The following TNFRSF1B variants were observed in gnomAD, a reference collection of about 807,000 sequenced individuals.
TNFRSF1B encodes the protein TNF receptor superfamily member 1B.
In TNFRSF1B, 19 loss-of-function variants were observed where a neutral mutation model predicts 44.6. The ratio of observed to expected loss-of-function variants is 0.43; its 90% CI spans 0.30 to 0.62. The LOEUF is 0.62. Among genes scored for constraint, TNFRSF1B ranks in the 20% least tolerant of loss-of-function variants. The probability of loss-of-function intolerance (pLI) is 0.16; values close to 1 mark genes in which losing one functional copy is unlikely to be tolerated. For synonymous variants in TNFRSF1B, 252 were observed against 261.1 expected (o/e 0.97, Z 0.34); for missense variants, 541 against 619.9 (o/e 0.87, Z 1.35).
intron 1 of TNFRSF1B, among the ~76,000 whole-genome samples, chr1:12,167,778 T>A (rs898337491): frequency 2.4e-4 from 36 of 152,120 alleles, no homozygotes; most frequent in African/African-American, 8.4e-4. Context: ...CGGGGGCTAC[T>A]GCAGAGTCTG....
intron 8 of TNFRSF1B, among the ~76,000 whole-genome samples, chr1:12,196,052 G>C (rs1480505283): frequency 2.0e-5 from 3 of 152,204 alleles, no homozygotes; most frequent in African/African-American, 7.2e-5. Context: ...TGTAATCCCA[G>C]CACTTTGGAA....
At chr1:12,193,273 A>G (rs567817462) in intron 6 of TNFRSF1B, 175 bp downstream of exon 6, 31 of 715,924 alleles carry the variant, frequency 4.3e-5, no homozygotes, top group Non-Finnish European at 5.8e-5. Context: ...GCTATCATTC[A>G]AAATCCCTAA....
At chr1:12,205,566 C>T (rs1639484593) in intron 9 of TNFRSF1B, among the ~76,000 whole-genome samples, 1 of 152,110 alleles carries the variant, frequency 6.6e-6, no homozygotes. Context: ...TGAGGGGAGG[C>T]TTCCATAGCC....
At chr1:12,200,347 G>T (rs1209714302) in intron 8 of TNFRSF1B, among the ~76,000 whole-genome samples, 3 of 152,046 alleles carry the variant, frequency 2.0e-5, no homozygotes, top group Non-Finnish European at 4.4e-5. Context: ...AGAGGCTGAG[G>T]CAGTGCAGCA....
intron 1 of TNFRSF1B, among the ~76,000 whole-genome samples, chr1:12,175,293 T>A (rs1638629825): frequency 6.6e-6 from 1 of 152,222 alleles, no homozygotes; most frequent in Non-Finnish European, 1.5e-5. Flanking sequence ...TTTCTGAACC[T>A]TGGTGGCCCC....
chr1:12,177,286 C>T lies in TNFRSF1B; in HGVS notation c.78+10117C>T, dbSNP rs1557625210. Among the ~76,000 whole-genome samples the T allele has an allele frequency of 6.6e-6, 1 of 152,088 alleles. No individual in the cohort carries two copies. Among genetic ancestry groups the T allele is most frequent in the Non-Finnish European group, 1.5e-5 (1 of 67,994 alleles). ...CCTCCCAGAGTGCTGGGATTACAGG[C>T]GGGAGCCACCGTGCCCGGCCCCAGT... is the stretch of plus-strand genomic sequence containing the variant. On this transcript the variant is annotated intron_variant, in intron 1 of 9. Transcript: ENST00000376259. This position sits in a 1 kb window ranked among gnomAD's most constrained non-coding sequence, Gnocchi z 4.3.
intron 1 of TNFRSF1B, among the ~76,000 whole-genome samples, chr1:12,170,958 G>A (rs1638508863): frequency 6.6e-6 from 1 of 151,552 alleles, no homozygotes; most frequent in Non-Finnish European, 1.5e-5. Flanking sequence ...TTACAAGCAT[G>A]TGCCACTGTG....
chr1:12,188,490 A>C (rs1014090497), intron 1 of TNFRSF1B, among the ~76,000 whole-genome samples: 6 of 152,170 alleles, frequency 3.9e-5, no homozygotes, highest in African/African-American at 7.2e-5. Flanking sequence ...GACCAAGGCC[A>C]CTGTCTTCTG....
At chr1:12,192,005 C>G in intron 4 of TNFRSF1B, 82 bp downstream of exon 4, 1 of 1,522,706 alleles carries the variant, frequency 6.6e-7, no homozygotes, top group Non-Finnish European at 8.8e-7. Flanking sequence ...GGGCATCAAC[C>G]CATTAATTAG....
chr1:12,181,780 G>A lies in TNFRSF1B; in HGVS notation c.79-7016G>A, dbSNP rs191882427. 3.5e-3 allele frequency among the ~76,000 whole-genome samples: 531 copies of A among 152,250 alleles called. 2 individuals carry two copies. The highest frequency in any genetic ancestry group is 4.8e-3 in the Non-Finnish European group (329 of 67,990). On this transcript the variant is annotated intron_variant, in intron 1 of 9. Transcript: ENST00000376259. ...AATCCACCCTCTGCTCTCTCCAGAG[G>A]CCCAGGACCAGCCCAACTCTGCCCC...
chr1:12,167,125 G>A lies in TNFRSF1B; in HGVS notation c.34G>A (p.Val12Ile). The A allele has an allele frequency of 7.4e-7, 1 of 1,354,672 alleles. No individual in the cohort carries two copies. The highest frequency in any genetic ancestry group is 1.7e-5 in the South Asian group (1 of 58,930). The allele number at this position is 1,354,672 out of a possible 1,614,324, so 83.9% of individuals were successfully genotyped here. A position where few individuals can be genotyped will look rare whatever the true frequency, so the allele number is the denominator to read the frequency against. ...CGTCGCCGTCTGGGCCGCGCTGGCC[G>A]TCGGACTGGAGCTCTGGGCTGCGGC... ...APVAVWAALA[V>I]GLELWAAAHA... Residue 12 changes from valine (V) to isoleucine (I), a missense_variant, in exon 1 of 10, where the codon GTC becomes ATC. Val to Ile is a conservative substitution (Grantham distance 29). Coordinates refer to ENST00000376259, the MANE Select transcript of TNFRSF1B (RefSeq NM_001066.3).
chr1:12,183,627 G>GTTTTATCTAGCTATTTTATCTA (rs1638862796), intron 1 of TNFRSF1B, among the ~76,000 whole-genome samples: 7 of 148,670 alleles, frequency 4.7e-5, no homozygotes, highest in African/African-American at 1.7e-4. Context: ...TTGTCTGTCT[G>GTTTTATCTAGCTATTTTATCTA]TTTTATCTAT....
chr1:12,167,559 C>T (rs758600111), intron 1 of TNFRSF1B: 1 of 351,490 alleles, frequency 2.8e-6, no homozygotes, highest in South Asian at 2.3e-5. Context: ...TTCCCTCCCA[C>T]GCGGTGGAGA....
chr1:12,185,861 G>A (rs1332072973), intron 1 of TNFRSF1B, among the ~76,000 whole-genome samples: 1 of 152,190 alleles, frequency 6.6e-6, no homozygotes, highest in Non-Finnish European at 1.5e-5. Flanking sequence ...GCAGCCTCAG[G>A]GGGGCTTCCC....
In TNFRSF1B at chr1:12,180,016, A is replaced by G. The variant is rs915159948; in HGVS notation, c.79-8780A>G. Among the ~76,000 whole-genome samples the G allele has an allele frequency of 6.6e-6, 1 of 151,582 alleles. No individual in the cohort carries two copies. Among genetic ancestry groups the G allele is most frequent in the African/African-American group, 2.4e-5 (1 of 41,242 alleles). Reference sequence around the variant, plus strand: ...AGCTTCTCCCTGTGGCCACCTCCCCACCGCATCATCTTCCGTTCTCAGCGG... The same window carrying G: ...AGCTTCTCCCTGTGGCCACCTCCCCGCCGCATCATCTTCCGTTCTCAGCGG... On this transcript the variant is annotated intron_variant, in intron 1 of 9. Coordinates refer to ENST00000376259, the MANE Select transcript of TNFRSF1B (RefSeq NM_001066.3). The surrounding 1 kb of genome is among the most constrained non-coding windows in gnomAD (Gnocchi z 4.3).
chr1:12,193,171 C>T, intron 6 of TNFRSF1B, 73 bp downstream of exon 6: 1 of 1,393,086 alleles, frequency 7.2e-7, no homozygotes, highest in Non-Finnish European at 9.9e-7. Context: ...CTTCCTCTCC[C>T]ATGGTTTTAC....
rs922676001 is a variant in TNFRSF1B at position 12,199,321 on chromosome 1, G to A, written c.901-2646G>A. ...GTGACCAGGGTCAGACCACCTGGGCGGAGGTTCAGCATGAACTTGCAATGC... is the reference window on the plus strand; with the variant it reads ...GTGACCAGGGTCAGACCACCTGGGCAGAGGTTCAGCATGAACTTGCAATGC... On this transcript the variant is annotated intron_variant, in intron 8 of 9. Coordinates refer to ENST00000376259, the MANE Select transcript of TNFRSF1B (RefSeq NM_001066.3). This position sits in a 1 kb window ranked among gnomAD's most constrained non-coding sequence, Gnocchi z 4.0. Among the ~76,000 whole-genome samples the A allele has an allele frequency of 2.6e-5, 4 of 152,230 alleles. No individual in the cohort carries two copies. Among genetic ancestry groups the A allele is most frequent in the Admixed American group, 6.5e-5 (1 of 15,286 alleles).
At position 12,180,147 on chromosome 1, in the gene TNFRSF1B, A is replaced by G. The variant is rs897226723; in HGVS notation, c.79-8649A>G. ...TCTCCGGAACATTGAAAAGCCATGA[A>G]GGCCGGGCACAGCGGCTCACGCCTG... On this transcript the variant is annotated intron_variant, in intron 1 of 9. Transcript: ENST00000376259. This position sits in a 1 kb window ranked among gnomAD's most constrained non-coding sequence, Gnocchi z 4.3. Among the ~76,000 whole-genome samples, 1 of 152,044 alleles carries G rather than the reference A, an allele frequency of 6.6e-6. No homozygotes were observed. Among genetic ancestry groups the G allele is most frequent in the East Asian group, 1.9e-4 (1 of 5,150 alleles).
Position 12,167,024 on chromosome 1 carries a change from G to T in TNFRSF1B, c.-68G>T. The T allele has an allele frequency of 8.9e-7, 1 of 1,129,460 alleles. No homozygotes were observed. Among genetic ancestry groups the T allele is most frequent in the South Asian group, 3.0e-5 (1 of 33,062 alleles). 70.0% of individuals were successfully genotyped at this position (1,129,460 alleles called of 1,614,324 possible). A position where few individuals can be genotyped will look rare whatever the true frequency, so the allele number is the denominator to read the frequency against. On this transcript the variant is annotated 5_prime_UTR_variant, in exon 1 of 10. Transcript: ENST00000376259. ...GCTAGCGAGCGCAGCGGAGCCTGGAGAGAAGGCGCTGGGCTGCGAGGGCGC... is the reference window on the plus strand; with the variant it reads ...GCTAGCGAGCGCAGCGGAGCCTGGATAGAAGGCGCTGGGCTGCGAGGGCGC...
Sources: gnomAD v4.1 joint callset for allele counts (sites outside exome capture counted in the v4.1 genomes callset) on GRCh38, gnomAD v4.1.1 for gene constraint, Gnocchi (gnomAD v3.1) non-coding constraint, MANE v1.5 for transcripts, NCBI Gene and HGNC (gene_info 2026-07-23, HGNC 2026-07-21) for gene names.